The following INHBC variants were observed in gnomAD, a reference collection of about 807,000 sequenced individuals.
The protein encoded by INHBC is inhibin beta C chain.
Under a neutral mutation model 12.4 loss-of-function variants are expected in INHBC, and 10 were observed. The observed-to-expected ratio is 0.81, with a 90% CI of 0.50 to 1.37. INHBC has a LOEUF of 1.37. INHBC is among the 40% of genes most tolerant of loss of function. INHBC has a pLI of 0.00. For missense variants in INHBC, 382 were observed against 439.4 expected, an observed-to-expected ratio of 0.87 and a Z score of 1.17; for synonymous variants, 147 against 171.6, an observed-to-expected ratio of 0.86 and a Z score of 1.12.
intron 1 of INHBC, among the ~76,000 whole-genome samples, chr12:57,435,925 C>T (rs2139829073): frequency 6.6e-6 from 1 of 151,770 alleles, no homozygotes; most frequent in South Asian, 2.1e-4. Context: ...CGGCTCACTG[C>T]AACCTCCACC....
intron 1 of INHBC, among the ~76,000 whole-genome samples, chr12:57,443,088 A>G (rs1046947934): frequency 6.8e-6 from 1 of 146,838 alleles, no homozygotes; most frequent in African/African-American, 2.5e-5. Context: ...TGAGAGTATC[A>G]GTTCCATTCC....
chr12:57,449,607 C>T lies in INHBC; in HGVS notation c.644C>T (p.Ala215Val). The change falls in exon 2 of 2, where the codon GCT becomes GTT. Residue 215 changes from alanine to valine, a missense_variant. By Grantham distance (64) the Ala-to-Val change is moderately conservative. Transcript: ENST00000309668. ...CAGAGCTCAGTCATCCTGGGTGGAG[C>T]TGCCCATAGGCCTTTTGTGGCAGCC... ...VAQSSVILGG[A>V]AHRPFVAARV... 6.2e-7 allele frequency: 1 copy of T among 1,614,272 alleles called. No homozygotes were observed. The highest frequency in any genetic ancestry group is 8.5e-7 in the Non-Finnish European group (1 of 1,180,046).
chr12:57,447,139 TGGTGAGACAAGGTATA>T (rs574833913), intron 1 of INHBC, among the ~76,000 whole-genome samples: 2,900 of 152,208 alleles, frequency 0.019, 45 homozygotes, highest in Non-Finnish European at 0.031. Context: ...AGAACCATTC[TGGTGAGACAAGGTATA>T]GGGGGAATGA....
chr12:57,447,904 T>A (rs1325409553), intron 1 of INHBC, among the ~76,000 whole-genome samples: 18 of 92,616 alleles, frequency 1.9e-4, no homozygotes, highest in East Asian at 3.1e-4. Context: ...TATATATATA[T>A]ATATATATAT....
At chr12:57,447,895 AT>A (rs1566551420) in intron 1 of INHBC, among the ~76,000 whole-genome samples, 34 of 71,750 alleles carry the variant, frequency 4.7e-4, no homozygotes, top group African/African-American at 1.4e-3. Flanking sequence ...AAAAAAAAAT[AT>A]ATATATATAT....
chr12:57,436,253 C>T (rs1330493354), intron 1 of INHBC, among the ~76,000 whole-genome samples: 1 of 151,122 alleles, frequency 6.6e-6, no homozygotes, highest in Non-Finnish European at 1.5e-5. Flanking sequence ...CAACCTCTGC[C>T]TCCTGGGTTC....
chr12:57,442,392 C>T (rs1040789165), intron 1 of INHBC, among the ~76,000 whole-genome samples: 2 of 152,166 alleles, frequency 1.3e-5, no homozygotes, highest in African/African-American at 4.8e-5. Flanking sequence ...TTGTGTTTGC[C>T]TGCCATAACT....
chr12:57,438,743 T>C (rs1870400813), intron 1 of INHBC, among the ~76,000 whole-genome samples: 1 of 152,190 alleles, frequency 6.6e-6, no homozygotes, highest in African/African-American at 2.4e-5. Context: ...TACTAAAGTC[T>C]GCCCTCTGAC....
chr12:57,449,454 T>C lies in INHBC; in HGVS notation c.491T>C (p.Leu164Ser), dbSNP rs761994794. 1.9e-5 allele frequency: 31 copies of C among 1,614,088 alleles called. No homozygotes were observed. Among genetic ancestry groups the C allele is most frequent in the African/African-American group, 1.3e-5 (1 of 74,930 alleles). The part of the protein sequence containing the change: ...VLGPHNTNLT[L>S]ATQYLLEVDA... The stretch of plus-strand genomic sequence containing the variant: ...GGTCCACATAATACCAACCTCACCT[T>C]GGCTACTCAGTACCTGCTGGAGGTG... The change falls in exon 2 of 2, where the codon TTG becomes TCG. Residue 164 changes from leucine to serine, a missense_variant. Physicochemically the swap from Leu to Ser is moderately radical, Grantham distance 145 (BLOSUM62 -2). Transcript: ENST00000309668.
chr12:57,447,982 A>G (rs1044299866), intron 1 of INHBC, among the ~76,000 whole-genome samples: 2 of 144,778 alleles, frequency 1.4e-5, no homozygotes, highest in Non-Finnish European at 3.0e-5. Context: ...ATACATATAT[A>G]TACACACATG....
chr12:57,446,748 C>A (rs982237300), intron 1 of INHBC, among the ~76,000 whole-genome samples: 1 of 152,052 alleles, frequency 6.6e-6, no homozygotes, highest in Admixed American at 6.6e-5. Flanking sequence ...AGCCATGCAT[C>A]CACCTCAGTC....
chr12:57,448,417 A>G (rs926775734), intron 1 of INHBC, among the ~76,000 whole-genome samples: 9 of 152,006 alleles, frequency 5.9e-5, no homozygotes, highest in Non-Finnish European at 1.2e-4. Flanking sequence ...AAAAATACAA[A>G]AATTAACTGG....
intron 1 of INHBC, among the ~76,000 whole-genome samples, chr12:57,448,886 GT>G (rs1359768955): frequency 2.0e-5 from 3 of 152,198 alleles, no homozygotes; most frequent in Non-Finnish European, 4.4e-5. Flanking sequence ...TTAACTCATG[GT>G]TCTGGTGGCT....
At chr12:57,444,408 G>C (rs984645037) in intron 1 of INHBC, among the ~76,000 whole-genome samples, 1 of 151,958 alleles carries the variant, frequency 6.6e-6, no homozygotes, top group African/African-American at 2.4e-5. Context: ...GGGCATGGTG[G>C]TGCATGCCTG....
intron 1 of INHBC, among the ~76,000 whole-genome samples, chr12:57,438,843 G>C (rs1422159075): frequency 6.6e-6 from 1 of 152,148 alleles, no homozygotes; most frequent in Non-Finnish European, 1.5e-5. Context: ...ATGGCATCAG[G>C]ATCGGGCTAA....
intron 1 of INHBC, among the ~76,000 whole-genome samples, chr12:57,447,924 A>ATATATAT (rs1566551470): frequency 6.2e-5 from 5 of 81,054 alleles, no homozygotes; most frequent in Non-Finnish European, 1.4e-4. Context: ...TATATATATA[A>ATATATAT]AATATATGTG....
intron 1 of INHBC, among the ~76,000 whole-genome samples, chr12:57,441,304 A>G (rs1253006908): frequency 4.4e-5 from 6 of 137,436 alleles, no homozygotes; most frequent in African/African-American, 1.6e-4. Flanking sequence ...CAGTGAGCCG[A>G]GTTCGTGCCA....
rs1870303854 is a variant in INHBC at position 57,435,106 on chromosome 12, A to C, written c.220A>C (p.Thr74Pro). The C allele has an allele frequency of 6.2e-7, 1 of 1,614,048 alleles. No individual in the cohort carries two copies. The highest frequency in any genetic ancestry group is 8.5e-7 in the Non-Finnish European group (1 of 1,180,022). The change falls in exon 1 of 2, where the codon ACT becomes CCT. Residue 74 changes from threonine to proline, a missense_variant. By Grantham distance (38) the Thr-to-Pro change is conservative (BLOSUM62 -1). Coordinates refer to ENST00000309668, the MANE Select transcript of INHBC (RefSeq NM_005538.4). ...NRPVSRAALR[T>P]ALQHLHGVPQ... ...CCCTGTGTCCAGAGCTGCTTTGAGGACTGCACTGCAGCACCTCCACGGGGT... is the reference window on the plus strand; with the variant it reads ...CCCTGTGTCCAGAGCTGCTTTGAGGCCTGCACTGCAGCACCTCCACGGGGT...
chr12:57,435,864 T>C (rs1226562858), intron 1 of INHBC, among the ~76,000 whole-genome samples: 1 of 151,238 alleles, frequency 6.6e-6, no homozygotes, highest in Non-Finnish European at 1.5e-5. Context: ...TTTTTTTTCC[T>C]GAGACGGAGT....
Sources: allele counts gnomAD v4.1 joint callset (sites outside exome capture counted in the v4.1 genomes callset), GRCh38; gene constraint gnomAD v4.1.1; transcripts MANE v1.5; gene names NCBI Gene and HGNC (gene_info 2026-07-23, HGNC 2026-07-21).